KCNC2: variants seen among roughly 807,000 people sequenced by gnomAD.
KCNC2 encodes the protein potassium voltage-gated channel subfamily C member 2.
Under a neutral mutation model 44.5 loss-of-function variants are expected in KCNC2, and 21 were observed. The observed-to-expected ratio is 0.47, with a 90% CI of 0.33 to 0.68. The LOEUF (loss-of-function observed/expected upper bound fraction) is 0.68. Among genes scored for constraint, KCNC2 ranks in the 30% least tolerant of loss-of-function variants. The pLI is 0.01. For missense variants in KCNC2, 589 were observed against 826.2 expected, an observed-to-expected ratio of 0.71 and a Z score of 3.52; for synonymous variants, 391 against 339.1, an observed-to-expected ratio of 1.15 and a Z score of -1.68.
intron 2 of KCNC2, among the ~76,000 whole-genome samples, chr12:75,070,898 TA>T (rs1883331996): frequency 6.6e-6 from 1 of 152,136 alleles, no homozygotes; most frequent in Non-Finnish European, 1.5e-5. Flanking sequence ...AATTGCACAT[TA>T]AAAATACATT....
intron 2 of KCNC2, among the ~76,000 whole-genome samples, chr12:75,054,921 T>C (rs1217417158): frequency 1.3e-5 from 2 of 152,210 alleles, no homozygotes; most frequent in Admixed American, 1.3e-4. Flanking sequence ...TGGTGCGCTT[T>C]ATCTGAACTT....
At chr12:75,138,917 C>T (rs1333725612) in intron 2 of KCNC2, among the ~76,000 whole-genome samples, 22 of 139,848 alleles carry the variant, frequency 1.6e-4, no homozygotes, top group Middle Eastern at 3.8e-3. Context: ...GGAGGCGGAG[C>T]TTGCAGTGAG....
intron 2 of KCNC2, among the ~76,000 whole-genome samples, chr12:75,143,736 A>AAAAAACATCTAGTGAGTTGTATTTTTC (rs1187661202): frequency 6.6e-6 from 1 of 152,194 alleles, no homozygotes; most frequent in African/African-American, 2.4e-5. Flanking sequence ...CTGTATTTTT[A>AAAAAACATCTAGTGAGTTGTATTTTTC]AAAAACATCT....
At chr12:75,152,290 T>A in intron 2 of KCNC2, among the ~76,000 whole-genome samples, 1 of 149,720 alleles carries the variant, frequency 6.7e-6, no homozygotes. Flanking sequence ...AGTATCAAAA[T>A]GAATAAAAAG....
intron 2 of KCNC2, among the ~76,000 whole-genome samples, chr12:75,164,155 C>T (rs1348513577): frequency 6.6e-6 from 1 of 151,624 alleles, no homozygotes; most frequent in Non-Finnish European, 1.5e-5. Context: ...AGGATCCGAG[C>T]ATCATTAGCC....
intron 2 of KCNC2, among the ~76,000 whole-genome samples, chr12:75,053,274 A>G (rs1457222483): frequency 2.1e-5 from 3 of 140,110 alleles, no homozygotes; most frequent in Non-Finnish European, 3.1e-5. Flanking sequence ...TCCCACCCCA[A>G]CTACACTCTT....
chr12:75,096,823 C>A (rs1220637514), intron 2 of KCNC2, among the ~76,000 whole-genome samples: 1 of 151,954 alleles, frequency 6.6e-6, no homozygotes, highest in Non-Finnish European at 1.5e-5. Context: ...TAAGGTTTAG[C>A]CCATAAATAT....
At chr12:75,069,634 A>G (rs140085466) in intron 2 of KCNC2, among the ~76,000 whole-genome samples, 1 of 152,270 alleles carries the variant, frequency 6.6e-6, no homozygotes, top group Admixed American at 6.5e-5. Context: ...TCAATTAACT[A>G]TTTTGTATTA....
Position 75,041,666 on chromosome 12 carries a change from A to C in KCNC2, c.*1439T>G, listed in dbSNP as rs1329149082. ...TATGACTCCCTAAGGATTTTGTTGG[A>C]GTGTAGTAATGAATGCTGGTTGCTA... On this transcript the variant is annotated 3_prime_UTR_variant, in exon 5 of 5. Transcript: ENST00000549446. 9.9e-7 allele frequency: 1 copy of C among 1,006,940 alleles called. No homozygotes were observed. The highest frequency in any genetic ancestry group is 1.2e-6 in the Non-Finnish European group (1 of 842,048). The allele number at this position is 1,006,940 out of a possible 1,614,324, so 62.4% of individuals were successfully genotyped here.
intron 2 of KCNC2, chr12:75,140,238 C>A (rs529293631): frequency 6.6e-6 from 1 of 152,238 alleles, no homozygotes; most frequent in South Asian, 2.1e-4. Context: ...ATGTAAGAAT[C>A]TATCAAGCCT....
At chr12:75,151,952 AATATATT>A (rs911356170) in intron 2 of KCNC2, among the ~76,000 whole-genome samples, 68 of 146,396 alleles carry the variant, frequency 4.6e-4, no homozygotes, top group African/African-American at 1.5e-3. Flanking sequence ...ATTTATATAT[AATATATT>A]ATATATTATA....
chr12:75,055,157 C>G (rs925401968), intron 2 of KCNC2, among the ~76,000 whole-genome samples: 1 of 152,002 alleles, frequency 6.6e-6, no homozygotes, highest in Admixed American at 6.6e-5. Flanking sequence ...TTTCTTGCTC[C>G]TTGCACGATT....
At chr12:75,101,544 C>A (rs1886373379) in intron 2 of KCNC2, among the ~76,000 whole-genome samples, 1 of 152,010 alleles carries the variant, frequency 6.6e-6, no homozygotes, top group Admixed American at 6.6e-5. Context: ...CCTTGATTTC[C>A]ACAAAAAGAA....
chr12:75,099,994 A>G (rs1886245055), intron 2 of KCNC2, among the ~76,000 whole-genome samples: 1 of 149,460 alleles, frequency 6.7e-6, no homozygotes, highest in South Asian at 2.1e-4. Context: ...CCTCTGGGCT[A>G]TATGAAAATG....
chr12:75,086,309 C>T (rs577283568), intron 2 of KCNC2, among the ~76,000 whole-genome samples: 4 of 152,094 alleles, frequency 2.6e-5, no homozygotes, highest in Non-Finnish European at 4.4e-5. Context: ...ACAAATGGTT[C>T]CTGGCTGTTG....
chr12:75,043,475 A>C, intron 4 of KCNC2: 1 of 1,293,926 alleles, frequency 7.7e-7, no homozygotes, highest in Non-Finnish European at 9.9e-7. Context: ...TTCAAAATAT[A>C]TTTTTTCCCA....
chr12:75,119,351 C>A (rs1390756513), intron 2 of KCNC2, among the ~76,000 whole-genome samples: 1 of 120,118 alleles, frequency 8.3e-6, no homozygotes, highest in Non-Finnish European at 1.6e-5. Flanking sequence ...CTAATCACTG[C>A]TAGGAAGGTG....
At chr12:75,168,839 C>A (rs1258042193) in intron 2 of KCNC2, among the ~76,000 whole-genome samples, 9 of 151,494 alleles carry the variant, frequency 5.9e-5, no homozygotes, top group Non-Finnish European at 1.0e-4. Flanking sequence ...TAATAGAAAT[C>A]TCCTTCAATA....
intron 2 of KCNC2, among the ~76,000 whole-genome samples, chr12:75,153,514 G>A (rs978210966): frequency 6.6e-6 from 1 of 151,606 alleles, no homozygotes; most frequent in African/African-American, 2.4e-5. Flanking sequence ...TGCTTAATGG[G>A]TACAAGGTAT....
Sources: allele counts gnomAD v4.1 joint callset (sites outside exome capture counted in the v4.1 genomes callset), GRCh38; gene constraint gnomAD v4.1.1; transcripts MANE v1.5; gene names NCBI Gene and HGNC (gene_info 2026-07-23, HGNC 2026-07-21).